Variants in CDH18 observed in about 807,000 individuals in gnomAD.
CDH18 encodes cadherin-18.
Under a neutral mutation model 67.9 loss-of-function variants are expected in CDH18, and 31 were observed. The ratio of observed to expected loss-of-function variants is 0.46; its 90% CI spans 0.34 to 0.62. The LOEUF (loss-of-function observed/expected upper bound fraction) is 0.62. CDH18 is among the 20% of genes least tolerant of loss of function. The probability of loss-of-function intolerance (pLI) is 0.01; values close to 1 mark genes in which losing one functional copy is unlikely to be tolerated. For synonymous variants in CDH18, 362 were observed against 347.2 expected (o/e 1.04, Z -0.48); for missense variants, 890 against 975.5 (o/e 0.91, Z 1.17).
At chr5:19,972,545 A>G (rs1219289656) in intron 2 of CDH18, among the ~76,000 whole-genome samples, 3 of 146,500 alleles carry the variant, frequency 2.0e-5, no homozygotes, top group African/African-American at 7.7e-5. Context: ...ATTCTTTCAA[A>G]TTTTACTGTA....
At chr5:20,067,870 T>G (rs956465506) in intron 2 of CDH18, among the ~76,000 whole-genome samples, 2 of 152,110 alleles carry the variant, frequency 1.3e-5, no homozygotes. Flanking sequence ...GAATTTTTTT[T>G]CTATTCTTTT....
chr5:19,671,124 A>C (rs1758693754), intron 5 of CDH18, among the ~76,000 whole-genome samples: 1 of 152,136 alleles, frequency 6.6e-6, no homozygotes, highest in Non-Finnish European at 1.5e-5. Flanking sequence ...AAATTTGTTT[A>C]AGAAATTACG....
intron 2 of CDH18, among the ~76,000 whole-genome samples, chr5:20,127,759 T>C (rs927140162): frequency 6.6e-6 from 1 of 152,168 alleles, no homozygotes; most frequent in Non-Finnish European, 1.5e-5. Flanking sequence ...ATTCACTTGA[T>C]CTGTTGTACA....
At chr5:19,505,486 C>T (rs1743973990) in intron 10 of CDH18, among the ~76,000 whole-genome samples, 1 of 152,208 alleles carries the variant, frequency 6.6e-6, no homozygotes, top group South Asian at 2.1e-4. Flanking sequence ...TTTTGAGATA[C>T]ATCCCATCAA....
intron 5 of CDH18, among the ~76,000 whole-genome samples, chr5:19,700,702 G>A (rs1763126694): frequency 6.6e-6 from 1 of 152,110 alleles, no homozygotes; most frequent in African/African-American, 2.4e-5. Context: ...AATCCATACT[G>A]CCAATCAATT....
chr5:20,305,783 AC>A (rs997823159), intron 1 of CDH18: 1 of 252,138 alleles, frequency 4.0e-6, no homozygotes, highest in Admixed American at 5.2e-5. Context: ...ACTCGAATCT[AC>A]CCCCAAAACC....
In CDH18 at chr5:20,008,600, G is replaced by A. The variant is rs1737133390; in HGVS notation, c.-517-16586C>T. 2.6e-5 allele frequency among the ~76,000 whole-genome samples: 4 copies of A among 152,118 alleles called. No individual in the cohort carries two copies. In the South Asian group the frequency reaches 8.3e-4, roughly 31 times the overall value. On this transcript the variant is annotated intron_variant, in intron 2 of 14. Transcript: ENST00000507958. ...ATAGCTATCTGGTAAAGGCCAAGATGTTGAAAATATATGCCATGTTTACAA... is the reference window on the plus strand; with the variant it reads ...ATAGCTATCTGGTAAAGGCCAAGATATTGAAAATATATGCCATGTTTACAA...
chr5:19,536,954 T>C (rs567896637), intron 9 of CDH18, among the ~76,000 whole-genome samples: 5 of 152,168 alleles, frequency 3.3e-5, no homozygotes, highest in Non-Finnish European at 7.3e-5. Flanking sequence ...GATCCAGATA[T>C]TGTGAAAGAT....
intron 5 of CDH18, among the ~76,000 whole-genome samples, chr5:19,710,339 T>C (rs1360705876): frequency 1.3e-5 from 2 of 152,136 alleles, no homozygotes; most frequent in African/African-American, 4.8e-5. Flanking sequence ...TATAAACAAA[T>C]ATTGTCTTCT....
At chr5:19,733,920 A>AAG (rs1264772682) in intron 4 of CDH18, among the ~76,000 whole-genome samples, 3 of 152,188 alleles carry the variant, frequency 2.0e-5, no homozygotes, top group Non-Finnish European at 4.4e-5. Context: ...TGCTCAAAGC[A>AAG]GTTGGCCAGA....
Position 19,621,274 on chromosome 5 carries a change from T to C in CDH18, c.644-8673A>G, listed in dbSNP as rs1750655416. ...GTTTCTGGATCATAAGGCAGTTCTA[T>C]TTCTTAATATTGTGTTGAATTCCTA... On this transcript the variant is annotated intron_variant, in intron 5 of 12. Coordinates refer to ENST00000382275, the MANE Select transcript of CDH18 (RefSeq NM_004934.5). Among the ~76,000 whole-genome samples the C allele has an allele frequency of 2.0e-5, 3 of 151,690 alleles. No homozygotes were observed. The South Asian group carries it at 6.3e-4, about 32-fold the overall frequency.
chr5:20,508,050 T>C (rs1463247247), intron 1 of CDH18, among the ~76,000 whole-genome samples: 1 of 151,928 alleles, frequency 6.6e-6, no homozygotes, highest in Non-Finnish European at 1.5e-5. Context: ...TTCTCTCTAA[T>C]GAGTGAAATG....
intron 2 of CDH18, among the ~76,000 whole-genome samples, chr5:20,142,901 T>C (rs1209705726): frequency 5.3e-5 from 8 of 152,196 alleles, no homozygotes; most frequent in Admixed American, 3.9e-4. Flanking sequence ...TTGTAGGAGT[T>C]TGTTAACACA....
chr5:19,755,561 A>G (rs1332667252), intron 3 of CDH18, among the ~76,000 whole-genome samples: 1 of 144,850 alleles, frequency 6.9e-6, no homozygotes, highest in Non-Finnish European at 1.5e-5. Flanking sequence ...TATTTTATAT[A>G]TAATAAAATA....
At chr5:20,415,140 C>T (rs992405547) in intron 1 of CDH18, among the ~76,000 whole-genome samples, 4 of 152,086 alleles carry the variant, frequency 2.6e-5, no homozygotes, top group Non-Finnish European at 5.9e-5. Flanking sequence ...AATCCTAGCA[C>T]TTTGGGAGGC....
chr5:19,621,252 T>C (rs1293384230), intron 5 of CDH18, among the ~76,000 whole-genome samples: 2 of 151,646 alleles, frequency 1.3e-5, no homozygotes, highest in Non-Finnish European at 2.9e-5. Context: ...AATTGATGTT[T>C]CTGGATCATA....
At chr5:20,501,481 A>AT (rs759967558) in intron 1 of CDH18, among the ~76,000 whole-genome samples, 60,025 of 124,108 alleles carry the variant, frequency 0.48, 15,423 homozygotes, top group East Asian at 0.57. Flanking sequence ...TTATATACAT[A>AT]TTATATATAT....
intron 1 of CDH18, among the ~76,000 whole-genome samples, chr5:20,561,479 T>C (rs969946171): frequency 6.6e-6 from 1 of 152,044 alleles, no homozygotes; most frequent in Non-Finnish European, 1.5e-5. Context: ...AAATTCATCT[T>C]ACTAAGTGAA....
chr5:19,894,701 C>G (rs1789121541), intron 2 of CDH18, among the ~76,000 whole-genome samples: 1 of 151,896 alleles, frequency 6.6e-6, no homozygotes, highest in South Asian at 2.1e-4. Flanking sequence ...AAATGAGTTC[C>G]CATTTATCTT....
Sources: gnomAD v4.1 joint callset for allele counts (sites outside exome capture counted in the v4.1 genomes callset) on GRCh38, gnomAD v4.1.1 for gene constraint, MANE v1.5 for transcripts, NCBI Gene and HGNC (gene_info 2026-07-23, HGNC 2026-07-21) for gene names.